SPECC1L: variants seen among roughly 807,000 people sequenced by gnomAD.
SPECC1L encodes the protein cytospin-A.
Under a neutral mutation model 116.8 loss-of-function variants are expected in SPECC1L, and 40 were observed. The observed-to-expected ratio is 0.34, with a 90% CI of 0.27 to 0.45. The LOEUF (loss-of-function observed/expected upper bound fraction) is 0.45, where lower values mean the gene tolerates loss of function less well. Ranked by LOEUF, SPECC1L falls within the 20% of genes least tolerant of loss-of-function variation. The pLI, the probability that SPECC1L is intolerant of heterozygous loss-of-function variation, is 1.00. For synonymous variants in SPECC1L, 504 were observed against 500.6 expected (o/e 1.01, Z -0.09); for missense variants, 1,110 against 1,373.6 (o/e 0.81, Z 3.03).
Position 24,369,682 on chromosome 22 carries a change from G to A in SPECC1L, c.3087+362G>A, listed in dbSNP as rs560689669. Among the ~76,000 whole-genome samples the A allele has an allele frequency of 2.6e-5, 4 of 152,276 alleles. No individual in the cohort carries two copies. The East Asian group carries it at 7.7e-4, about 29-fold the overall frequency. ...AGAAATGATGAGTCCTATACAAAAT[G>A]TTAGGAACACATTCTCAAAGTCCAG... On this transcript the variant is annotated intron_variant, in intron 14 of 16. Transcript: ENST00000314328.
intron 14 of SPECC1L, among the ~76,000 whole-genome samples, chr22:24,372,752 A>G (rs552623613): frequency 1.3e-5 from 2 of 151,120 alleles, no homozygotes; most frequent in South Asian, 2.1e-4. Flanking sequence ...CCTATTCAAC[A>G]TAGTGTTGGA....
chr22:24,349,116 C>G (rs942323967), intron 11 of SPECC1L, among the ~76,000 whole-genome samples: 3 of 152,138 alleles, frequency 2.0e-5, no homozygotes, highest in Non-Finnish European at 2.9e-5. Context: ...TATCAACTTA[C>G]TGCAACTTCC....
intron 14 of SPECC1L, among the ~76,000 whole-genome samples, chr22:24,385,062 C>CAAAAAA (rs36080329): frequency 1.3e-5 from 1 of 78,082 alleles, no homozygotes; most frequent in Non-Finnish European, 2.6e-5. Flanking sequence ...AACTCCGTCT[C>CAAAAAA]AAAAAAAAAA....
Position 24,369,281 on chromosome 22 carries a change from C to A in SPECC1L, c.3048C>A (p.Ala1016=), listed in dbSNP as rs147058760. The change falls in exon 14 of 17, where the codon GCC becomes GCA. Residue 1016 remains alanine, a synonymous_variant. Coordinates refer to ENST00000314328, the MANE Select transcript of SPECC1L (RefSeq NM_015330.6). ...AREYGGSKRN[A]LLKWCQKKTE... is the part of the protein sequence containing the mutation. ...AATATGGAGGATCAAAGAGGAACGCCTTGCTGAAGTGGTGTCAGAAGAAAA... is the reference window on the plus strand; with the variant it reads ...AATATGGAGGATCAAAGAGGAACGCATTGCTGAAGTGGTGTCAGAAGAAAA... 5.6e-6 allele frequency: 9 copies of A among 1,614,030 alleles called. No individual in the cohort carries two copies. The African/African-American group carries it at 1.1e-4, about 19-fold the overall frequency.
At chr22:24,288,752 A>G (rs1344014111) in intron 2 of SPECC1L, among the ~76,000 whole-genome samples, 3 of 147,434 alleles carry the variant, frequency 2.0e-5, no homozygotes, top group Admixed American at 7.1e-5. Flanking sequence ...CAGCTTCCTC[A>G]GTAGCTGGAA....
intron 14 of SPECC1L, among the ~76,000 whole-genome samples, chr22:24,393,798 A>G (rs1212910658): frequency 2.0e-5 from 3 of 152,322 alleles, no homozygotes; most frequent in African/African-American, 7.2e-5. Flanking sequence ...AACCATCACC[A>G]TGAACATTTC....
intron 10 of SPECC1L, among the ~76,000 whole-genome samples, chr22:24,343,273 A>G (rs1012372326): frequency 4.6e-5 from 7 of 152,200 alleles, no homozygotes; most frequent in African/African-American, 1.7e-4. Context: ...TAGATCCAAG[A>G]AAATCAGGAA....
chr22:24,271,183 G>A (rs1347803324), intron 1 of SPECC1L, among the ~76,000 whole-genome samples, 200 bp downstream of exon 1: 3 of 152,252 alleles, frequency 2.0e-5, no homozygotes, highest in Non-Finnish European at 4.4e-5. Flanking sequence ...TGGGCTTCGG[G>A]GCTTCTGGAA....
chr22:24,317,227 CA>C, intron 4 of SPECC1L, among the ~76,000 whole-genome samples: 1 of 111,332 alleles, frequency 9.0e-6, no homozygotes, highest in African/African-American at 3.3e-5. Flanking sequence ...AGGCGCCCCT[CA>C]CCTCCCGGAT....
chr22:24,388,083 A>T (rs5760389), intron 14 of SPECC1L, among the ~76,000 whole-genome samples: 15,325 of 151,330 alleles, frequency 0.1, 1,886 homozygotes, highest in African/African-American at 0.29. Context: ...TTCTTTTTTT[A>T]TTATTATTAT....
At chr22:24,357,537 G>A (rs1162149148) in intron 11 of SPECC1L, among the ~76,000 whole-genome samples, 1 of 152,094 alleles carries the variant, frequency 6.6e-6, no homozygotes, top group Non-Finnish European at 1.5e-5. Context: ...TTGGCTTTTT[G>A]TATATTTTAC....
At chr22:24,293,065 T>C (rs2049186417) in intron 2 of SPECC1L, among the ~76,000 whole-genome samples, 1 of 151,630 alleles carries the variant, frequency 6.6e-6, no homozygotes, top group Non-Finnish European at 1.5e-5. Flanking sequence ...TGTGCTATGA[T>C]AGAGAAAAAA....
chr22:24,351,244 G>T (rs2041415307), intron 11 of SPECC1L, among the ~76,000 whole-genome samples: 2 of 152,296 alleles, frequency 1.3e-5, no homozygotes, highest in Admixed American at 1.3e-4. Flanking sequence ...TGTAGACTCA[G>T]TAGCTTGGAT....
At chr22:24,308,694 T>G (rs2049552168) in intron 3 of SPECC1L, among the ~76,000 whole-genome samples, 1 of 152,234 alleles carries the variant, frequency 6.6e-6, no homozygotes, top group Admixed American at 6.5e-5. Context: ...TTAGCATTTT[T>G]TTTGGATAGT....
Position 24,338,319 on chromosome 22 carries a change from A to G in SPECC1L, c.2561-67A>G, listed in dbSNP as rs138883340. The G allele has an allele frequency of 4.0e-6, 6 of 1,507,202 alleles. No homozygotes were observed. In the African/African-American group the frequency reaches 6.9e-5, roughly 17 times the overall value. 93.4% of individuals were successfully genotyped at this position (1,507,202 alleles called of 1,614,324 possible). A position where few individuals can be genotyped will look rare whatever the true frequency, so the allele number is the denominator to read the frequency against. The stretch of plus-strand genomic sequence containing the variant: ...CATTGGGTAATCAGGCGAGTCCTTA[A>G]GTGGAGACCAGTTAAGCTTCCACTG... On this transcript the variant is annotated intron_variant, in intron 9 of 16. Coordinates refer to ENST00000314328, the MANE Select transcript of SPECC1L (RefSeq NM_015330.6).
chr22:24,414,551 A>G lies in SPECC1L; in HGVS notation c.3282A>G (p.Val1094=), dbSNP rs2042766284. Residue 1094 remains valine (V), a synonymous_variant, in exon 17 of 17, where the codon GTA becomes GTG. Transcript: ENST00000314328. The stretch of plus-strand genomic sequence containing the variant: ...TCTGTCAGGACATTAATGAAATGGT[A>G]CGGACTGAACGACCCGACTGGCAGA... ...IKSTLDINEM[V]RTERPDWQNV... is the part of the protein sequence containing the mutation. The G allele has an allele frequency of 6.2e-7, 1 of 1,613,966 alleles. No homozygotes were observed. Among genetic ancestry groups the G allele is most frequent in the Non-Finnish European group, 8.5e-7 (1 of 1,179,954 alleles).
Position 24,412,642 on chromosome 22 carries a change from T to C in SPECC1L, c.3205-6T>C. 1 of 1,614,144 alleles carries C rather than the reference T, an allele frequency of 6.2e-7. No individual in the cohort carries two copies. Among genetic ancestry groups the C allele is most frequent in the Non-Finnish European group, 8.5e-7 (1 of 1,180,024 alleles). On this transcript the variant is annotated splice_polypyrimidine_tract_variant and splice_region_variant and intron_variant, in intron 15 of 16. Coordinates refer to ENST00000314328, the MANE Select transcript of SPECC1L (RefSeq NM_015330.6). The stretch of plus-strand genomic sequence containing the variant: ...ATGCACTGCAGTGACACAGTTTCTT[T>C]TACAGAGAAGGAACTTCATGCTGGC...
chr22:24,379,201 TTC>T (rs555140381), intron 14 of SPECC1L, among the ~76,000 whole-genome samples: 1 of 151,608 alleles, frequency 6.6e-6, no homozygotes, highest in Non-Finnish European at 1.5e-5. Flanking sequence ...TAGTGAGATC[TTC>T]TCTCTATTAA....
At chr22:24,374,261 C>T (rs1336459225) in intron 14 of SPECC1L, among the ~76,000 whole-genome samples, 5 of 151,922 alleles carry the variant, frequency 3.3e-5, no homozygotes, top group Admixed American at 2.0e-4. Flanking sequence ...ACCCAGCCAT[C>T]CCATTACTGG....
Sources: allele counts gnomAD v4.1 joint callset (sites outside exome capture counted in the v4.1 genomes callset), GRCh38; gene constraint gnomAD v4.1.1; transcripts MANE v1.5; gene names NCBI Gene and HGNC (gene_info 2026-07-23, HGNC 2026-07-21).